The following LY75 variants were observed in gnomAD, a reference collection of about 807,000 sequenced individuals.
LY75 encodes C-type lectin domain family 13 member B.
LY75 carries 185 observed loss-of-function variants against 231.7 expected under a neutral mutation model. That is an observed-to-expected ratio of 0.80 (90% CI 0.71 to 0.90). The LOEUF is 0.90. LY75 is among the 40% of genes least tolerant of loss of function. LY75 has a pLI of 0.00. For missense variants in LY75, 1,947 were observed against 2,050.2 expected (o/e 0.95, Z 0.97); for synonymous variants, 668 against 689.0 (o/e 0.97, Z 0.48).
chr2:159,816,344 A>G (rs1683118953), intron 30 of LY75, among the ~76,000 whole-genome samples: 1 of 152,230 alleles, frequency 6.6e-6, no homozygotes, highest in African/African-American at 2.4e-5. Flanking sequence ...AACCATGTGG[A>G]GAATTTTAGA....
intron 3 of LY75, 134 bp from the exon 4 acceptor site, chr2:159,890,511 T>C: frequency 8.1e-7 from 1 of 1,229,700 alleles, no homozygotes; most frequent in African/African-American, 1.5e-5. Flanking sequence ...ATCACTCATT[T>C]AGACCATATT....
rs1683133222 is a variant in LY75, at chr2:159,816,877, C to T, written c.4309G>A (p.Gly1437Ser). 6.2e-7 allele frequency: 1 copy of T among 1,614,058 alleles called. No homozygotes were observed. The highest frequency in any genetic ancestry group is 8.5e-7 in the Non-Finnish European group (1 of 1,180,038). The change falls in exon 30 of 35, where the codon GGC (glycine) becomes AGC (serine). Residue 1437 changes from glycine (G) to serine (S), a missense_variant. Transcript: ENST00000263636. ...GHLASVHNQN[G>S]QLFLEDIVKR... ...ACAATATCTTCCAGAAAGAGCTGGC[C>T]ATTTTGGTTGTGAACGCTTGCCAAG...
chr2:159,869,358 C>T (rs1684944921), intron 13 of LY75, among the ~76,000 whole-genome samples: 1 of 151,632 alleles, frequency 6.6e-6, no homozygotes. Context: ...ATGAGGACTT[C>T]CATGATCACC....
chr2:159,864,674 T>C (rs1388724067), intron 14 of LY75, among the ~76,000 whole-genome samples, 165 bp downstream of exon 14: 3 of 152,150 alleles, frequency 2.0e-5, no homozygotes, highest in Non-Finnish European at 2.9e-5. Context: ...TCAGGTAGTG[T>C]GATGGCCTCC....
At chr2:159,878,572 C>G in intron 10 of LY75, 61 bp downstream of exon 10, 1 of 1,612,370 alleles carries the variant, frequency 6.2e-7, no homozygotes, top group South Asian at 1.1e-5. Context: ...CTTAGGAAGA[C>G]TGTTTGGCAA....
At chr2:159,839,905 C>G (rs1180722919) in intron 25 of LY75, among the ~76,000 whole-genome samples, 1 of 148,546 alleles carries the variant, frequency 6.7e-6, no homozygotes, top group African/African-American at 2.5e-5. Context: ...ACTGAGGAGG[C>G]TGAAGCATGA....
chr2:159,879,124 T>C, intron 9 of LY75, 135 bp downstream of exon 9: 1 of 1,002,360 alleles, frequency 1.0e-6, no homozygotes, highest in Non-Finnish European at 1.4e-6. Flanking sequence ...GCCTTCTGGC[T>C]TGTTCTAACT....
chr2:159,822,380 C>T (rs1311534278), intron 28 of LY75, among the ~76,000 whole-genome samples: 1 of 152,162 alleles, frequency 6.6e-6, no homozygotes, highest in Non-Finnish European at 1.5e-5. Context: ...TGCTGAGGCT[C>T]GAGTAGGCAG....
intron 4 of LY75, among the ~76,000 whole-genome samples, chr2:159,889,396 A>C (rs1055134375): frequency 1.3e-5 from 2 of 152,122 alleles, no homozygotes; most frequent in African/African-American, 2.4e-5. Context: ...CCAATTAAAA[A>C]AAAATTTTTT....
intron 8 of LY75, among the ~76,000 whole-genome samples, chr2:159,880,053 A>G (rs1246683723): frequency 6.6e-6 from 1 of 152,214 alleles, no homozygotes; most frequent in East Asian, 1.9e-4. Context: ...TTCTAAAGAC[A>G]TGTTGGATGT....
intron 30 of LY75, among the ~76,000 whole-genome samples, chr2:159,816,257 T>C (rs917621680): frequency 1.3e-5 from 2 of 152,206 alleles, no homozygotes; most frequent in African/African-American, 4.8e-5. Context: ...CACAGATGTC[T>C]TTACTAGCAG....
rs768608964 is a variant in LY75 at position 159,853,646 on chromosome 2, C to T, written c.2647G>A (p.Asp883Asn). The T allele has an allele frequency of 6.2e-7, 1 of 1,613,534 alleles. No homozygotes were observed. The highest frequency in any genetic ancestry group is 8.5e-7 in the Non-Finnish European group (1 of 1,179,826). The change falls in exon 19 of 35, where the codon GAT (aspartate) becomes AAT (asparagine). Residue 883 changes from aspartate (D) to asparagine (N), a missense_variant. By Grantham distance (23) the Asp-to-Asn change is conservative (BLOSUM62 1). Coordinates refer to ENST00000263636, the MANE Select transcript of LY75 (RefSeq NM_002349.4). Reference protein sequence around the residue: ...WWIRISEWPIDDHFTYSRYPW... With the variant: ...WWIRISEWPINDHFTYSRYPW... ...GTCACCTACTATGTAAAATGATCAT[C>T]TATTGGCCACTCGCTAATTCTTATC...
At chr2:159,855,025 G>T in intron 16 of LY75, 86 bp from the exon 17 acceptor site, 1 of 1,547,478 alleles carries the variant, frequency 6.5e-7, no homozygotes, top group Non-Finnish European at 8.9e-7. Context: ...TAGCTCGAAA[G>T]GACTTGCAGT....
At chr2:159,817,215 CTGAT>C (rs1284134596) in intron 29 of LY75, among the ~76,000 whole-genome samples, 183 bp from the exon 30 acceptor site, 1 of 152,128 alleles carries the variant, frequency 6.6e-6, no homozygotes, top group African/African-American at 2.4e-5. Flanking sequence ...TTAAAGTTCT[CTGAT>C]TGATATTTTA....
At position 159,853,686 on chromosome 2, in the gene LY75, A is replaced by G. The variant is rs753000382; in HGVS notation, c.2607T>C (p.Asp869=). The G allele has an allele frequency of 1.9e-6, 3 of 1,613,542 alleles. No individual in the cohort carries two copies. The highest frequency in any genetic ancestry group is 2.2e-5 in the East Asian group (1 of 44,800). The change falls in exon 19 of 35, where the codon GAT becomes GAC. Residue 869 remains aspartate, a synonymous_variant. Transcript: ENST00000263636. The part of the protein sequence containing the change: ...IKNKIANISG[D]GQKWWIRISE... ...TAATTCTTATCCACCACTTCTGTCC[A>G]TCACCAGATATCTGAAAAACAAGCC...
At position 159,815,704 on chromosome 2, in the gene LY75, G is replaced by C. The variant is rs1683103606; in HGVS notation, c.4381-131C>G. On this transcript the variant is annotated intron_variant, in intron 30 of 34. Coordinates refer to ENST00000263636, the MANE Select transcript of LY75 (RefSeq NM_002349.4). Reference sequence around the variant, plus strand: ...TATTTGCTTACAGTATTGTAGGTCTGAACCTACTATTATTGTAGGTCTGAT... The same window carrying C: ...TATTTGCTTACAGTATTGTAGGTCTCAACCTACTATTATTGTAGGTCTGAT... 2.7e-6 allele frequency: 3 copies of C among 1,107,760 alleles called. No individual in the cohort carries two copies. In the Admixed American group the frequency reaches 9.4e-5, roughly 35 times the overall value. The allele number at this position is 1,107,760 out of a possible 1,614,324, so 68.6% of individuals were successfully genotyped here.
Position 159,853,677 on chromosome 2 carries a change from C to G in LY75, c.2616G>C (p.Lys872Asn), listed in dbSNP as rs1157649062. ...KIANISGDGQ[K>N]WWIRISEWPI... The stretch of plus-strand genomic sequence containing the variant: ...GCCACTCGCTAATTCTTATCCACCA[C>G]TTCTGTCCATCACCAGATATCTGAA... Residue 872 changes from lysine (K) to asparagine (N), a missense_variant, in exon 19 of 35, where the codon AAG (lysine) becomes AAC (asparagine). Physicochemically the swap from Lys to Asn is moderately conservative, Grantham distance 94. Transcript: ENST00000263636. 4.3e-6 allele frequency: 7 copies of G among 1,613,584 alleles called. No homozygotes were observed. Among genetic ancestry groups the G allele is most frequent in the Non-Finnish European group, 5.1e-6 (6 of 1,179,824 alleles).
intron 4 of LY75, among the ~76,000 whole-genome samples, chr2:159,887,886 T>G (rs1574595361): frequency 6.6e-6 from 1 of 152,338 alleles, no homozygotes; most frequent in East Asian, 1.9e-4. Flanking sequence ...TGTCACACTT[T>G]GGCACTTTTC....
intron 4 of LY75, among the ~76,000 whole-genome samples, chr2:159,887,250 C>CACACACACACACAT (rs60776463): frequency 6.7e-6 from 1 of 149,626 alleles, no homozygotes; most frequent in Non-Finnish European, 1.5e-5. Context: ...CACACACACA[C>CACACACACACACAT]GTGGTACAGT....
Sources: allele counts gnomAD v4.1 joint callset (sites outside exome capture counted in the v4.1 genomes callset), GRCh38; gene constraint gnomAD v4.1.1; transcripts MANE v1.5; gene names NCBI Gene and HGNC (gene_info 2026-07-23, HGNC 2026-07-21).